GNL3L: variants seen among roughly 807,000 people sequenced by gnomAD.
The protein encoded by GNL3L is guanine nucleotide-binding protein-like 3-like protein.
A neutral mutation model predicts 42.9 loss-of-function variants in GNL3L; 4 were observed. The observed-to-expected ratio is 0.09, with a 90% CI of 0.05 to 0.21. The LOEUF (loss-of-function observed/expected upper bound fraction) is 0.21, where lower values mean the gene tolerates loss of function less well. Among genes scored for constraint, GNL3L ranks in the 10% least tolerant of loss-of-function variants. The pLI, the probability that GNL3L is intolerant of heterozygous loss-of-function variation, is 1.00. For synonymous variants in GNL3L, 159 were observed against 176.3 expected, an observed-to-expected ratio of 0.90 and a Z score of 0.78; for missense variants, 412 against 481.7, an observed-to-expected ratio of 0.86 and a Z score of 1.36.
intron 16 of GNL3L, among the ~76,000 whole-genome samples, chrX:54,612,519 G>T (rs1038570279): frequency 9.0e-6 from 1 of 111,123 alleles, no homozygotes; most frequent in African/African-American, 3.3e-5. Flanking sequence ...TTCTTTTATA[G>T]GTCCTGTGTG....
Position 54,588,766 on chromosome X carries a change from G to A in GNL3L, c.*45+28119G>A, listed in dbSNP as rs181064113. The stretch of plus-strand genomic sequence containing the variant: ...TTTGAACCCGGAAGGTGGAGGTTGC[G>A]GCGAGCCAAGATCGCGCTACGGCTC... On this transcript the variant is annotated intron_variant, in intron 16 of 16. Coordinates refer to the GNL3L transcript ENST00000674498. Among the ~76,000 whole-genome samples the A allele has an allele frequency of 9.6e-4, 107 of 111,278 alleles. 1 individual carries two copies. The East Asian group carries it at 0.021, about 22-fold the overall frequency.
intron 16 of GNL3L, among the ~76,000 whole-genome samples, chrX:54,604,509 A>G (rs1304954579): frequency 9.0e-6 from 1 of 111,045 alleles, no homozygotes; most frequent in East Asian, 2.8e-4. Flanking sequence ...TCAGTTATGC[A>G]AAGGTCTAGG....
At chrX:54,590,129 G>A (rs771456909) in intron 16 of GNL3L, among the ~76,000 whole-genome samples, 120 of 110,739 alleles carry the variant, frequency 1.1e-3, no homozygotes, top group African/African-American at 3.6e-3. Context: ...TAGTAGAGAC[G>A]GAGTTTCACC....
chrX:54,592,643 C>G (rs1925884425), intron 16 of GNL3L, among the ~76,000 whole-genome samples: 1 of 110,422 alleles, frequency 9.1e-6, no homozygotes, highest in South Asian at 3.8e-4. Context: ...TGGCAAAACC[C>G]TGTCTCTACA....
chrX:54,595,351 A>G (rs972584288), intron 16 of GNL3L, among the ~76,000 whole-genome samples: 1 of 111,116 alleles, frequency 9.0e-6, no homozygotes, highest in African/African-American at 3.3e-5. Context: ...TCAGCATTTT[A>G]AATAATTGTG....
At chrX:54,583,205 T>A (rs778588691) in intron 16 of GNL3L, among the ~76,000 whole-genome samples, 28 of 111,261 alleles carry the variant, frequency 2.5e-4, no homozygotes, top group African/African-American at 7.8e-4. Flanking sequence ...TTATTTATTT[T>A]TTTTGAGACA....
intron 16 of GNL3L, among the ~76,000 whole-genome samples, chrX:54,584,110 G>A (rs1925751488): frequency 1.0e-5 from 1 of 98,457 alleles, no homozygotes; most frequent in Admixed American, 1.1e-4. Flanking sequence ...GAGAGCGAGA[G>A]TCTCGCTCTG....
the GNL3L span, among the ~76,000 whole-genome samples, chrX:54,632,528 C>T: frequency 1.8e-5 from 2 of 109,302 alleles, no homozygotes; most frequent in South Asian, 7.8e-4. Flanking sequence ...CTGTAAAGTT[C>T]TTTCTTCTAC....
rs1347849774 is a variant in GNL3L, at chrX:54,598,896, G to C, written c.*46-21949G>C. ...AGACTACTTCAAAAAGATGTAGCAT[G>C]AACATAATTGGAATATGAGGAGAAG... On this transcript the variant is annotated intron_variant, in intron 16 of 16. Transcript: ENST00000674498. Among the ~76,000 whole-genome samples, 2 of 111,828 alleles carry C rather than the reference G, an allele frequency of 1.8e-5. 1 individual carries two copies. Among genetic ancestry groups the C allele is most frequent in the Non-Finnish European group, 3.8e-5 (2 of 53,128 alleles).
At chrX:54,638,418 TATC>T in the GNL3L span, among the ~76,000 whole-genome samples, 90 of 112,255 alleles carry the variant, frequency 8.0e-4, 1 homozygote, top group South Asian at 0.026. Flanking sequence ...CCCTCACTAC[TATC>T]ATCATCACCT....
chrX:54,609,792 A>C (rs1180348513), intron 16 of GNL3L, among the ~76,000 whole-genome samples: 1 of 111,743 alleles, frequency 8.9e-6, no homozygotes, highest in Non-Finnish European at 1.9e-5. Flanking sequence ...TGATGCCTCC[A>C]CAATTGTTCT....
At chrX:54,531,878 C>T (rs1457173840) in intron 1 of GNL3L, among the ~76,000 whole-genome samples, 1 of 110,762 alleles carries the variant, frequency 9.0e-6, no homozygotes, top group Non-Finnish European at 1.9e-5. Context: ...GCAATCCCCC[C>T]AACCCAAATC....
the GNL3L span, among the ~76,000 whole-genome samples, chrX:54,628,952 T>TAA: frequency 2.6e-4 from 27 of 104,419 alleles, no homozygotes; most frequent in African/African-American, 8.7e-4. Flanking sequence ...AATATAATTA[T>TAA]AATTAAATAT....
intron 16 of GNL3L, among the ~76,000 whole-genome samples, chrX:54,613,482 G>A (rs964322251): frequency 9.0e-6 from 1 of 110,926 alleles, no homozygotes; most frequent in African/African-American, 3.3e-5. Flanking sequence ...GTGAACTAGT[G>A]TGATTTTTTG....
At chrX:54,614,218 C>T (rs920203859) in intron 16 of GNL3L, among the ~76,000 whole-genome samples, 10 of 110,836 alleles carry the variant, frequency 9.0e-5, no homozygotes, top group African/African-American at 2.6e-4. Context: ...GGCCAGCAGT[C>T]GCAGATCTCA....
At position 54,562,539 on chromosome X, in the gene GNL3L, A is replaced by G; in HGVS notation, c.*1937A>G. On this transcript the variant is annotated 3_prime_UTR_variant, in exon 16 of 16. Transcript: ENST00000360845. ...AGAATTACGTACTTGTTGAGTACAAACTGCACCAAGCCCTGGAGACCCATT... is the reference window on the plus strand; with the variant it reads ...AGAATTACGTACTTGTTGAGTACAAGCTGCACCAAGCCCTGGAGACCCATT... Among the ~76,000 whole-genome samples the G allele has an allele frequency of 9.0e-6, 1 of 111,361 alleles. No homozygotes were observed. The highest frequency in any genetic ancestry group is 3.8e-4 in the South Asian group (1 of 2,643).
downstream of GNL3L, among the ~76,000 whole-genome samples, chrX:54,572,011 ATTTAT>A (rs1925551288): frequency 9.8e-6 from 1 of 101,842 alleles, no homozygotes; most frequent in African/African-American, 3.6e-5. Context: ...ATTTTTATTT[ATTTAT>A]TTTTTTTTAT....
At chrX:54,536,579 G>GT (rs1400848104) in intron 2 of GNL3L, among the ~76,000 whole-genome samples, 4 of 109,489 alleles carry the variant, frequency 3.7e-5, no homozygotes, top group Non-Finnish European at 7.6e-5. Flanking sequence ...GAGGCCAGGA[G>GT]TTTGAGACCA....
Position 54,562,601 on chromosome X carries a change from G to A in GNL3L, c.*1999G>A, listed in dbSNP as rs775069419. ...CCCTCAATACAGCTCTGCTAGTAAG[G>A]GATTCGTCTCCCCAAATGAAAAAAA... On this transcript the variant is annotated 3_prime_UTR_variant, in exon 16 of 16. Transcript: ENST00000360845. Among the ~76,000 whole-genome samples the A allele has an allele frequency of 1.4e-4, 16 of 110,597 alleles. No homozygotes were observed. In the South Asian group the frequency reaches 2.3e-3, roughly 16 times the overall value.
Sources: gnomAD v4.1 joint callset for allele counts (sites outside exome capture counted in the v4.1 genomes callset) on GRCh38, gnomAD v4.1.1 for gene constraint, MANE v1.5 for transcripts, NCBI Gene and HGNC (gene_info 2026-07-23, HGNC 2026-07-21) for gene names.